FBXL4: variants seen among roughly 807,000 people sequenced by gnomAD.
The protein encoded by FBXL4 is F-box/LRR-repeat protein 4.
A neutral mutation model predicts 58.9 loss-of-function variants in FBXL4; 40 were observed. The observed-to-expected ratio is 0.68, with a 90% CI of 0.53 to 0.88. The LOEUF (loss-of-function observed/expected upper bound fraction) is 0.88, where lower values mean the gene tolerates loss of function less well. Among genes scored for constraint, FBXL4 ranks in the 40% least tolerant of loss-of-function variants. The pLI, the probability that FBXL4 is intolerant of heterozygous loss-of-function variation, is 0.00. For synonymous variants in FBXL4, 263 were observed against 265.5 expected, an observed-to-expected ratio of 0.99 and a Z score of 0.09; for missense variants, 676 against 734.4, an observed-to-expected ratio of 0.92 and a Z score of 0.92.
chr6:98,875,343 C>T (rs994698826), intron 9 of FBXL4, 72 bp downstream of exon 9: 19 of 1,523,680 alleles, frequency 1.2e-5, no homozygotes, highest in Non-Finnish European at 9.9e-6. Flanking sequence ...TTTTTCCTAA[C>T]AAAAAGTCTG....
rs1268141194 is a variant in FBXL4 at position 98,871,963 on chromosome 6, T to C, written c.*2315A>G. 6.6e-6 allele frequency: 1 copy of C among 152,222 alleles called. No individual in the cohort carries two copies. Among genetic ancestry groups the C allele is most frequent in the Non-Finnish European group, 1.5e-5 (1 of 68,040 alleles). 9.4% of individuals were successfully genotyped at this position (152,222 alleles called of 1,614,324 possible). A position where few individuals can be genotyped will look rare whatever the true frequency, so the allele number is the denominator to read the frequency against. ...AGCTTTTGCTCAAGACTTAATAAAA[T>C]TTTGAAATGAATTCAAGCCAAAATT... On this transcript the variant is annotated 3_prime_UTR_variant, in exon 10 of 10. Transcript: ENST00000369244.
intron 7 of FBXL4, among the ~76,000 whole-genome samples, chr6:98,894,576 C>A (rs1414540217): frequency 6.6e-6 from 1 of 152,166 alleles, no homozygotes; most frequent in Admixed American, 6.5e-5. Context: ...ACACAGATCA[C>A]CCTCCAACTA....
intron 4 of FBXL4, among the ~76,000 whole-genome samples, chr6:98,919,507 C>T (rs1320999909): frequency 3.3e-5 from 5 of 152,032 alleles, no homozygotes; most frequent in Non-Finnish European, 7.4e-5. Context: ...AAGAATAGAG[C>T]AGGCTGTGGC....
chr6:98,920,571 AT>A (rs1345278104), intron 4 of FBXL4, among the ~76,000 whole-genome samples: 2 of 152,152 alleles, frequency 1.3e-5, no homozygotes, highest in Non-Finnish European at 2.9e-5. Context: ...AATTATTTGA[AT>A]TAACTATGAG....
At chr6:98,937,296 T>C (rs1773256822) in intron 1 of FBXL4, among the ~76,000 whole-genome samples, 1 of 149,106 alleles carries the variant, frequency 6.7e-6, no homozygotes, top group Admixed American at 6.7e-5. Context: ...GGTGACTTCG[T>C]CTCAAAAAAA....
intron 6 of FBXL4, among the ~76,000 whole-genome samples, chr6:98,903,380 C>A (rs1771684125): frequency 6.6e-6 from 1 of 152,038 alleles, no homozygotes; most frequent in South Asian, 2.1e-4. Flanking sequence ...TCAACTTTTT[C>A]TTTTCTTAAT....
Position 98,918,164 on chromosome 6 carries a change from C to A in FBXL4, c.513-445G>T, listed in dbSNP as rs181776343. Among the ~76,000 whole-genome samples the A allele has an allele frequency of 2.2e-4, 34 of 152,254 alleles. No individual in the cohort carries two copies. In the East Asian group the frequency reaches 6.6e-3, roughly 29 times the overall value. Reference sequence around the variant, plus strand: ...TTCTGTCACTAGCCTCATATAAATGCAAAACTTTCATATTATCTTTTTCTC... The same window carrying A: ...TTCTGTCACTAGCCTCATATAAATGAAAAACTTTCATATTATCTTTTTCTC... On this transcript the variant is annotated intron_variant, in intron 4 of 9. Coordinates refer to ENST00000369244, the MANE Select transcript of FBXL4 (RefSeq NM_001278716.2).
At chr6:98,933,814 T>C (rs1773102271) in intron 2 of FBXL4, among the ~76,000 whole-genome samples, 1 of 151,976 alleles carries the variant, frequency 6.6e-6, no homozygotes, top group Admixed American at 6.6e-5. Flanking sequence ...AATGAATAAG[T>C]TTAAAATAAA....
intron 7 of FBXL4, among the ~76,000 whole-genome samples, chr6:98,890,711 G>C (rs1206632893): frequency 6.6e-6 from 1 of 152,110 alleles, no homozygotes; most frequent in Non-Finnish European, 1.5e-5. Context: ...TTGAGGTCAG[G>C]AGTTCAAGAC....
Position 98,926,567 on chromosome 6 carries a change from T to C in FBXL4, c.422A>G (p.His141Arg), listed in dbSNP as rs1176015508. ...TCCGGGATGATAGGTTTCTAGAACA[T>C]GTACAGCTGTAGGATACACCTGTTG... ...FEQQVYPTAVHVLETYHPGAV... is the reference protein window; with the variant it reads ...FEQQVYPTAVRVLETYHPGAV... Residue 141 changes from histidine (H) to arginine (R), a missense_variant, in exon 4 of 10, where the codon CAT becomes CGT. Physicochemically the swap from His to Arg is conservative, Grantham distance 29. Coordinates refer to ENST00000369244, the MANE Select transcript of FBXL4 (RefSeq NM_001278716.2). 1.2e-6 allele frequency: 2 copies of C among 1,614,130 alleles called. No homozygotes were observed. The highest frequency in any genetic ancestry group is 1.1e-5 in the South Asian group (1 of 91,078).
intron 5 of FBXL4, among the ~76,000 whole-genome samples, chr6:98,912,059 T>C (rs1772100249): frequency 6.6e-6 from 1 of 152,040 alleles, no homozygotes; most frequent in African/African-American, 2.4e-5. Flanking sequence ...TGCAATCAAC[T>C]GGAAGAAAGG....
At chr6:98,946,450 G>C (rs1425879144) in intron 1 of FBXL4, among the ~76,000 whole-genome samples, 1 of 152,220 alleles carries the variant, frequency 6.6e-6, no homozygotes, top group East Asian at 1.9e-4. Flanking sequence ...GCGAAGTTAA[G>C]ATCGAGAATG....
chr6:98,874,958 T>C (rs534821622), intron 9 of FBXL4, among the ~76,000 whole-genome samples: 2 of 152,290 alleles, frequency 1.3e-5, no homozygotes, highest in South Asian at 4.1e-4. Flanking sequence ...AGATTTTCAA[T>C]AGATCTGCCT....
At chr6:98,919,905 A>G (rs1364769491) in intron 4 of FBXL4, among the ~76,000 whole-genome samples, 1 of 152,206 alleles carries the variant, frequency 6.6e-6, no homozygotes, top group Non-Finnish European at 1.5e-5. Flanking sequence ...TCCAAGAAAC[A>G]AGGACCCCTC....
chr6:98,930,275 C>T (rs1159065789), intron 2 of FBXL4, among the ~76,000 whole-genome samples: 2 of 152,176 alleles, frequency 1.3e-5, no homozygotes, highest in African/African-American at 2.4e-5. Context: ...AATAAATAGG[C>T]TGGGCATGAT....
At chr6:98,941,263 A>AAT (rs1294123999) in intron 1 of FBXL4, among the ~76,000 whole-genome samples, 3 of 152,214 alleles carry the variant, frequency 2.0e-5, no homozygotes, top group Non-Finnish European at 4.4e-5. Flanking sequence ...TCCAGGCAAT[A>AAT]ATATAGATGA....
At chr6:98,918,581 C>G (rs1275722922) in intron 4 of FBXL4, among the ~76,000 whole-genome samples, 1 of 152,104 alleles carries the variant, frequency 6.6e-6, no homozygotes, top group Non-Finnish European at 1.5e-5. Flanking sequence ...ATAATAGCAT[C>G]ATCAGGTACT....
At chr6:98,905,760 T>C (rs1433248786) in intron 5 of FBXL4, 90 bp from the exon 6 acceptor site, 2 of 1,255,246 alleles carry the variant, frequency 1.6e-6, no homozygotes, top group Admixed American at 4.4e-5. Flanking sequence ...GGAATAAAAG[T>C]GTCATACATT....
chr6:98,930,628 A>AT (rs1405000669), intron 2 of FBXL4, among the ~76,000 whole-genome samples: 1 of 152,166 alleles, frequency 6.6e-6, no homozygotes, highest in African/African-American at 2.4e-5. Context: ...CAAATTAAAA[A>AT]ATATATATAT....
Sources: allele counts gnomAD v4.1 joint callset (sites outside exome capture counted in the v4.1 genomes callset), GRCh38; gene constraint gnomAD v4.1.1; transcripts MANE v1.5; gene names NCBI Gene and HGNC (gene_info 2026-07-23, HGNC 2026-07-21).